Variants in ABCA12 observed in about 807,000 individuals in gnomAD.
ABCA12 encodes the protein glucosylceramide transporter ABCA12.
In ABCA12, 156 loss-of-function variants were observed where a neutral mutation model predicts 293.5. The observed-to-expected ratio is 0.53, with a 90% confidence interval of 0.47 to 0.61. The LOEUF is 0.61. Among genes scored for constraint, ABCA12 ranks in the 20% least tolerant of loss-of-function variants. ABCA12 has a pLI of 0.00. For synonymous variants in ABCA12, 1,063 were observed against 1,108.0 expected, an observed-to-expected ratio of 0.96 and a Z score of 0.81; for missense variants, 2,797 against 3,090.2, an observed-to-expected ratio of 0.91 and a Z score of 2.25.
intron 2 of ABCA12, among the ~76,000 whole-genome samples, chr2:215,093,262 A>G (rs1702184870): frequency 6.6e-6 from 1 of 152,068 alleles, no homozygotes. Flanking sequence ...CCCTTCTACA[A>G]AGCAACAACT....
chr2:215,120,108 C>A lies in ABCA12; in HGVS notation c.70-8418G>T, dbSNP rs528809038. ...ATGAAAAAGAATGAAATCATGTAATCATGTCCTTTGCAACAACATGGATGG... is the reference window on the plus strand; with the variant it reads ...ATGAAAAAGAATGAAATCATGTAATAATGTCCTTTGCAACAACATGGATGG... On this transcript the variant is annotated intron_variant, in intron 1 of 52. Transcript: ENST00000272895. Among the ~76,000 whole-genome samples, 12 of 152,284 alleles carry A rather than the reference C, an allele frequency of 7.9e-5. No individual in the cohort carries two copies. In the East Asian group the frequency reaches 2.1e-3, roughly 27 times the overall value.
intron 44 of ABCA12, among the ~76,000 whole-genome samples, chr2:214,952,360 A>G (rs1444654990): frequency 6.6e-6 from 1 of 151,996 alleles, no homozygotes; most frequent in African/African-American, 2.4e-5. Flanking sequence ...AGCTGGGATT[A>G]CAGGTGCGTG....
At chr2:215,028,622 A>G (rs1410023708) in intron 9 of ABCA12, among the ~76,000 whole-genome samples, 1 of 152,222 alleles carries the variant, frequency 6.6e-6, no homozygotes, top group Non-Finnish European at 1.5e-5. Flanking sequence ...GTATTCTTAG[A>G]GTAAGTTTTC....
intron 51 of ABCA12, 33 bp downstream of exon 51, chr2:214,937,477 C>T (rs374746720): frequency 4.6e-5 from 72 of 1,553,066 alleles, no homozygotes; most frequent in South Asian, 2.1e-4. Context: ...GGATTACAGG[C>T]GTGAGCCACT....
At chr2:214,967,917 C>A (rs1699301156) in intron 38 of ABCA12, among the ~76,000 whole-genome samples, 1 of 152,136 alleles carries the variant, frequency 6.6e-6, no homozygotes, top group African/African-American at 2.4e-5. Context: ...CCATTGATCA[C>A]ATACGTAAGA....
At chr2:214,940,987 A>T (rs1433173484) in intron 50 of ABCA12, among the ~76,000 whole-genome samples, 2 of 151,594 alleles carry the variant, frequency 1.3e-5, no homozygotes, top group African/African-American at 2.4e-5. Context: ...GATCTTAGTC[A>T]TTTCTTGTAT....
chr2:215,086,919 TTTATTATTATTATTATTATTA>T (rs139025147), intron 2 of ABCA12, among the ~76,000 whole-genome samples: 1 of 151,016 alleles, frequency 6.6e-6, no homozygotes, highest in Non-Finnish European at 1.5e-5. Context: ...TAACTACCAG[TTTATTATTATTATTATTATTA>T]TTATTATTAT....
Position 214,959,110 on chromosome 2 carries a change from G to A in ABCA12, c.5885-32C>T, listed in dbSNP as rs771083684. The A allele has an allele frequency of 2.1e-5, 33 of 1,580,254 alleles. No individual in the cohort carries two copies. The Admixed American group carries it at 5.5e-4, about 26-fold the overall frequency. On this transcript the variant is annotated intron_variant, in intron 39 of 52. Transcript: ENST00000272895. ...GACGAAACAGTTCTTCTATTAGTAG[G>A]TATTCAGTTAATCAGAAATACCAAT... is the stretch of plus-strand genomic sequence containing the variant.
At chr2:215,138,089 A>G (rs1424559866) in intron 1 of ABCA12, 51 bp downstream of exon 1, 5 of 1,524,420 alleles carry the variant, frequency 3.3e-6, no homozygotes, top group Admixed American at 3.3e-5. Flanking sequence ...TTTTAGGATT[A>G]CCTGGCGTAT....
chr2:215,107,841 G>T (rs1453560805), intron 2 of ABCA12, among the ~76,000 whole-genome samples: 1 of 152,206 alleles, frequency 6.6e-6, no homozygotes, highest in Admixed American at 6.6e-5. Context: ...TCCAGTGCCC[G>T]AATTGTTAAG....
intron 34 of ABCA12, among the ~76,000 whole-genome samples, 156 bp downstream of exon 34, chr2:214,975,629 T>C (rs139276955): frequency 1.3e-5 from 2 of 152,324 alleles, no homozygotes; most frequent in Non-Finnish European, 2.9e-5. Context: ...AGAAGTAACA[T>C]ATTGCAATCA....
chr2:214,989,394 C>G lies in ABCA12; in HGVS notation c.3764G>C (p.Cys1255Ser). The G allele has an allele frequency of 1.2e-6, 2 of 1,613,578 alleles. No individual in the cohort carries two copies. The highest frequency in any genetic ancestry group is 1.3e-5 in the African/African-American group (1 of 74,886). Residue 1255 changes from cysteine (C) to serine (S), a missense_variant, in exon 26 of 53, where the codon TGT becomes TCT. Physicochemically the swap from Cys to Ser is moderately radical, Grantham distance 112 (BLOSUM62 -1). Coordinates refer to ENST00000272895, the MANE Select transcript of ABCA12 (RefSeq NM_173076.3). ...DDTTSFGWLC[C>S]LILADSFIYF... ...AATGAAAGAGTCAGCTAGGATTAGA[C>G]AGCACAGCCAGCCAAATGAGGTGGT...
chr2:215,103,263 C>CTT (rs1158377505), intron 2 of ABCA12, among the ~76,000 whole-genome samples: 6,353 of 80,862 alleles, frequency 0.079, 846 homozygotes, highest in African/African-American at 0.22. Context: ...CTTAAAATTT[C>CTT]TTTCTTTTTT....
chr2:215,128,565 C>A (rs1282488038), intron 1 of ABCA12, among the ~76,000 whole-genome samples: 2 of 125,634 alleles, frequency 1.6e-5, no homozygotes, highest in Non-Finnish European at 3.1e-5. Flanking sequence ...CTCTGAATTT[C>A]TTTCTTCTTG....
intron 36 of ABCA12, among the ~76,000 whole-genome samples, chr2:214,972,716 T>A (rs2105954545): frequency 6.6e-6 from 1 of 152,250 alleles, no homozygotes; most frequent in East Asian, 1.9e-4. Flanking sequence ...TTTTTCAGAT[T>A]AATAAAAACT....
At chr2:214,941,121 A>G (rs556328334) in intron 50 of ABCA12, among the ~76,000 whole-genome samples, 87 of 152,252 alleles carry the variant, frequency 5.7e-4, no homozygotes, top group Non-Finnish European at 9.3e-4. Context: ...ATTTCCCTCT[A>G]AACACTGCTT....
intron 7 of ABCA12, among the ~76,000 whole-genome samples, chr2:215,045,325 G>T (rs536202945): frequency 1.3e-5 from 2 of 152,240 alleles, no homozygotes; most frequent in South Asian, 2.1e-4. Flanking sequence ...AAGGCTAACT[G>T]ATATGCAGGC....
intron 3 of ABCA12, among the ~76,000 whole-genome samples, chr2:215,063,339 T>C (rs1240843809): frequency 6.6e-6 from 1 of 152,032 alleles, no homozygotes; most frequent in Non-Finnish European, 1.5e-5. Flanking sequence ...TCTTGAGAGA[T>C]ACTCAAAAAA....
intron 18 of ABCA12, among the ~76,000 whole-genome samples, chr2:215,008,321 T>C (rs1475540203): frequency 6.6e-6 from 1 of 152,158 alleles, no homozygotes; most frequent in Non-Finnish European, 1.5e-5. Context: ...ATTCATCTTA[T>C]TGAAATAAAA....
Sources: gnomAD v4.1 joint callset for allele counts (sites outside exome capture counted in the v4.1 genomes callset) on GRCh38, gnomAD v4.1.1 for gene constraint, MANE v1.5 for transcripts, NCBI Gene and HGNC (gene_info 2026-07-23, HGNC 2026-07-21) for gene names.